Variants in NCAM2 observed in about 807,000 individuals in gnomAD.
NCAM2 encodes the protein neural cell adhesion molecule 2.
A neutral mutation model predicts 98.1 loss-of-function variants in NCAM2; 30 were observed. That is an observed-to-expected ratio of 0.31 (90% CI 0.23 to 0.41). The LOEUF is 0.41. NCAM2 is among the 10% of genes least tolerant of loss of function. The probability of loss-of-function intolerance (pLI) is 1.00; values close to 1 mark genes in which losing one functional copy is unlikely to be tolerated. For missense variants in NCAM2, 867 were observed against 1,005.8 expected, an observed-to-expected ratio of 0.86 and a Z score of 1.87; for synonymous variants, 368 against 342.4, an observed-to-expected ratio of 1.07 and a Z score of -0.83.
At chr21:21,313,810 T>C (rs181713092) in intron 5 of NCAM2, among the ~76,000 whole-genome samples, 15 of 152,186 alleles carry the variant, frequency 9.9e-5, no homozygotes, top group Admixed American at 9.8e-4. Flanking sequence ...AATTGTATTT[T>C]ACTGTATCTA....
intron 1 of NCAM2, among the ~76,000 whole-genome samples, chr21:21,212,119 A>G (rs2069680317): frequency 6.6e-6 from 1 of 152,238 alleles, no homozygotes. Flanking sequence ...TATCCATAGC[A>G]GGTTTATTTG....
intron 12 of NCAM2, among the ~76,000 whole-genome samples, chr21:21,460,952 G>T (rs1048914727): frequency 2.0e-5 from 3 of 151,494 alleles, no homozygotes; most frequent in Non-Finnish European, 3.0e-5. Flanking sequence ...AAATTAAAAA[G>T]TTTGTGGCAG....
At chr21:21,062,409 A>G (rs2065342083) in intron 1 of NCAM2, among the ~76,000 whole-genome samples, 1 of 152,206 alleles carries the variant, frequency 6.6e-6, no homozygotes, top group Non-Finnish European at 1.5e-5. Flanking sequence ...TGAAAGTGAT[A>G]TTTGACTGGT....
At chr21:21,461,681 G>T (rs1982995370) in intron 12 of NCAM2, among the ~76,000 whole-genome samples, 1 of 151,548 alleles carries the variant, frequency 6.6e-6, no homozygotes, top group Non-Finnish European at 1.5e-5. Flanking sequence ...GTAAAAGTAT[G>T]ATTCATAAAA....
At chr21:21,166,247 G>A (rs1042155917) in intron 1 of NCAM2, among the ~76,000 whole-genome samples, 11 of 151,932 alleles carry the variant, frequency 7.2e-5, no homozygotes, top group African/African-American at 2.2e-4. Context: ...TCGCTCTGTC[G>A]CCCAGGCTGG....
chr21:21,202,198 T>C (rs2069251365), intron 1 of NCAM2, among the ~76,000 whole-genome samples: 1 of 152,096 alleles, frequency 6.6e-6, no homozygotes, highest in Non-Finnish European at 1.5e-5. Context: ...TGACTTTGTA[T>C]AAATTAATCT....
intron 1 of NCAM2, among the ~76,000 whole-genome samples, chr21:21,023,401 G>A (rs1359317549): frequency 2.0e-5 from 3 of 151,858 alleles, no homozygotes; most frequent in African/African-American, 7.3e-5. Flanking sequence ...GTGGTCACCT[G>A]TAATCCCAGC....
At chr21:21,357,106 G>A (rs2075511574) in intron 8 of NCAM2, among the ~76,000 whole-genome samples, 1 of 152,112 alleles carries the variant, frequency 6.6e-6, no homozygotes, top group Non-Finnish European at 1.5e-5. Flanking sequence ...CATTTTTTAT[G>A]AATATACACT....
intron 4 of NCAM2, among the ~76,000 whole-genome samples, chr21:21,287,956 A>G (rs1277267906): frequency 6.6e-6 from 1 of 151,916 alleles, no homozygotes; most frequent in Admixed American, 6.6e-5. Context: ...GAGACTTTAG[A>G]CATAAAGTCC....
intron 12 of NCAM2, among the ~76,000 whole-genome samples, chr21:21,459,439 C>T (rs1046069416): frequency 1.4e-5 from 2 of 147,972 alleles, no homozygotes; most frequent in Non-Finnish European, 3.0e-5. Flanking sequence ...CACACATATG[C>T]CATATTTATA....
chr21:21,030,883 G>A (rs1019073616), intron 1 of NCAM2, among the ~76,000 whole-genome samples: 5 of 152,098 alleles, frequency 3.3e-5, no homozygotes, highest in East Asian at 1.9e-4. Flanking sequence ...AGCTGCATAC[G>A]TTGTATGGCA....
At chr21:21,354,868 A>T (rs1489258922) in intron 8 of NCAM2, among the ~76,000 whole-genome samples, 1 of 152,208 alleles carries the variant, frequency 6.6e-6, no homozygotes, top group Non-Finnish European at 1.5e-5. Flanking sequence ...CAATAAACTG[A>T]ATAAATAAAA....
At chr21:21,470,068 C>T (rs779956886) in intron 14 of NCAM2, among the ~76,000 whole-genome samples, 16 of 151,984 alleles carry the variant, frequency 1.1e-4, no homozygotes, top group Non-Finnish European at 8.8e-5. Context: ...AATACAATCC[C>T]ACAGTGGACT....
At position 21,166,254 on chromosome 21, in the gene NCAM2, C is replaced by G. The variant is rs2067947661; in HGVS notation, c.56-114324C>G. ...ACGGAGTCTCGCTCTGTCGCCCAGGCTGGAGTGCAGTGGCGCCATCTCAGC... is the reference window on the plus strand; with the variant it reads ...ACGGAGTCTCGCTCTGTCGCCCAGGGTGGAGTGCAGTGGCGCCATCTCAGC... On this transcript the variant is annotated intron_variant, in intron 1 of 17. Coordinates refer to ENST00000400546, the MANE Select transcript of NCAM2 (RefSeq NM_004540.5). Among the ~76,000 whole-genome samples, 2 of 152,208 alleles carry G rather than the reference C, an allele frequency of 1.3e-5. 1 individual carries two copies. Among genetic ancestry groups the G allele is most frequent in the Non-Finnish European group, 2.9e-5 (2 of 68,032 alleles).
intron 4 of NCAM2, 149 bp downstream of exon 4, chr21:21,286,561 G>A (rs1312626867): frequency 3.5e-6 from 3 of 868,364 alleles, no homozygotes; most frequent in East Asian, 2.7e-5. Flanking sequence ...TCTACATTAG[G>A]ATTTTGCAAT....
chr21:21,432,157 C>T lies in NCAM2; in HGVS notation c.1530C>T (p.Thr510=). Reference sequence around the variant, plus strand: ...TGAAGATCATAGAGCTGTCGCAGACCACGGCCAAGGTTTCCTTCAACAAAC... The same window carrying T: ...TGAAGATCATAGAGCTGTCGCAGACTACGGCCAAGGTTTCCTTCAACAAAC... ...YGVKIIELSQ[T]TAKVSFNKPD... is the part of the protein sequence containing the mutation. The change falls in exon 12 of 18, where the codon ACC becomes ACT. Residue 510 remains threonine, a synonymous_variant. Transcript: ENST00000400546. 4 of 1,614,010 alleles carry T rather than the reference C, an allele frequency of 2.5e-6. No homozygotes were observed. Among genetic ancestry groups the T allele is most frequent in the Non-Finnish European group, 3.4e-6 (4 of 1,179,934 alleles).
chr21:21,307,603 T>C (rs1306713336), intron 5 of NCAM2, among the ~76,000 whole-genome samples: 1 of 152,116 alleles, frequency 6.6e-6, no homozygotes, highest in African/African-American at 2.4e-5. Context: ...CTAATGTCAT[T>C]CAGGTTTTTG....
chr21:21,252,849 T>C (rs1183366228), intron 1 of NCAM2, among the ~76,000 whole-genome samples: 1 of 152,156 alleles, frequency 6.6e-6, no homozygotes, highest in Non-Finnish European at 1.5e-5. Flanking sequence ...CATTGCTATC[T>C]TACCACTCAG....
chr21:21,249,656 A>G (rs28679830), intron 1 of NCAM2, among the ~76,000 whole-genome samples: 49,289 of 150,960 alleles, frequency 0.33, 8,668 homozygotes, highest in Non-Finnish European at 0.4. Context: ...TTAGCAGACA[A>G]TCAGCACCCC....
Sources: allele counts gnomAD v4.1 joint callset (sites outside exome capture counted in the v4.1 genomes callset), GRCh38; gene constraint gnomAD v4.1.1; transcripts MANE v1.5; gene names NCBI Gene and HGNC (gene_info 2026-07-23, HGNC 2026-07-21).